ARMC2: variants seen among roughly 807,000 people sequenced by gnomAD.
ARMC2 encodes the protein armadillo repeat containing 2.
Under a neutral mutation model 90.3 loss-of-function variants are expected in ARMC2, and 67 were observed. That is an observed-to-expected ratio of 0.74 (90% CI 0.61 to 0.91). The LOEUF (loss-of-function observed/expected upper bound fraction) is 0.91, where lower values mean the gene tolerates loss of function less well. ARMC2 is among the 40% of genes least tolerant of loss of function. ARMC2 has a pLI of 0.00. For synonymous variants in ARMC2, 393 were observed against 393.0 expected (o/e 1.00, Z 0.00); for missense variants, 920 against 1,030.9 (o/e 0.89, Z 1.47).
At chr6:108,891,839 G>A (rs1348918580) in intron 5 of ARMC2, among the ~76,000 whole-genome samples, 1 of 152,160 alleles carries the variant, frequency 6.6e-6, no homozygotes, top group Non-Finnish European at 1.5e-5. Context: ...TGTCCTGAAT[G>A]GTATTGCCTA....
At chr6:108,890,760 G>A (rs6420684) in intron 5 of ARMC2, among the ~76,000 whole-genome samples, 152,128 of 152,294 alleles carry the variant, frequency 1, 75,981 homozygotes, top group Middle Eastern at 1. Flanking sequence ...TAACATTATT[G>A]TTACTTTTTT....
At chr6:108,880,679 TTCTCCTTCCTTCCTTTCTTTTTCTTC>T (rs1301131506) in intron 5 of ARMC2, among the ~76,000 whole-genome samples, 3 of 151,354 alleles carry the variant, frequency 2.0e-5, no homozygotes, top group South Asian at 4.2e-4. Context: ...TCCTTTTTCT[TTCTCCTTCCTTCCTTTCTTTTTCTTC>T]TCTCCTTCCT....
the ARMC2 span, among the ~76,000 whole-genome samples, chr6:109,012,944 T>C: frequency 6.6e-6 from 1 of 151,124 alleles, no homozygotes; most frequent in Non-Finnish European, 1.5e-5. Context: ...TGAAACCCCG[T>C]CTCTACTGAA....
intron 11 of ARMC2, among the ~76,000 whole-genome samples, chr6:108,935,761 T>A (rs1216984621): frequency 6.6e-6 from 1 of 152,238 alleles, no homozygotes; most frequent in Non-Finnish European, 1.5e-5. Flanking sequence ...AAGTTTTGAT[T>A]TGTAATATTT....
intron 10 of ARMC2, among the ~76,000 whole-genome samples, chr6:108,920,221 G>C (rs566508096): frequency 6.6e-6 from 1 of 152,182 alleles, no homozygotes; most frequent in East Asian, 1.9e-4. Context: ...ATGGAGTCTT[G>C]CTCTGTCGCC....
chr6:109,017,838 A>C, the ARMC2 span, among the ~76,000 whole-genome samples: 1 of 152,194 alleles, frequency 6.6e-6, no homozygotes, highest in Admixed American at 6.5e-5. Flanking sequence ...ATGATCTCTC[A>C]AACTTTATTT....
chr6:108,852,771 T>A (rs1157550087), intron 1 of ARMC2, among the ~76,000 whole-genome samples: 1 of 152,192 alleles, frequency 6.6e-6, no homozygotes, highest in Admixed American at 6.5e-5. Flanking sequence ...GAAGCCTGTT[T>A]ATTATACAGA....
At chr6:109,000,754 G>A in the ARMC2 span, 624 of 1,140,412 alleles carry the variant, frequency 5.5e-4, no homozygotes, top group Non-Finnish European at 7.0e-4. Context: ...ATGCAAAAGA[G>A]CTAATTAAGT....
intron 12 of ARMC2, among the ~76,000 whole-genome samples, chr6:108,949,357 T>C (rs997260593): frequency 1.3e-5 from 2 of 152,234 alleles, no homozygotes; most frequent in African/African-American, 4.8e-5. Context: ...AGTGAATTAG[T>C]TAATTTGTAT....
the ARMC2 span, among the ~76,000 whole-genome samples, chr6:108,979,574 T>A: frequency 6.6e-6 from 1 of 152,166 alleles, no homozygotes; most frequent in Admixed American, 6.5e-5. Context: ...CTGGTTAATA[T>A]CCTGAAGAGT....
chr6:108,884,449 T>A (rs903201510), intron 5 of ARMC2, among the ~76,000 whole-genome samples: 11 of 152,220 alleles, frequency 7.2e-5, no homozygotes, highest in African/African-American at 2.7e-4. Context: ...AAAGAAGGTA[T>A]ACTGAAAATT....
At chr6:108,970,844 A>G (rs1175012786) in intron 17 of ARMC2, among the ~76,000 whole-genome samples, 1 of 152,136 alleles carries the variant, frequency 6.6e-6, no homozygotes, top group Non-Finnish European at 1.5e-5. Flanking sequence ...ACAGAATTTT[A>G]TTTTTATACA....
At chr6:108,866,695 G>A (rs1012360764) in intron 3 of ARMC2, among the ~76,000 whole-genome samples, 1 of 152,094 alleles carries the variant, frequency 6.6e-6, no homozygotes, top group African/African-American at 2.4e-5. Flanking sequence ...TAGTGAGTGG[G>A]TCCTTCTCCA....
At chr6:108,852,757 G>A (rs1336188830) in intron 1 of ARMC2, among the ~76,000 whole-genome samples, 1 of 152,086 alleles carries the variant, frequency 6.6e-6, no homozygotes, top group African/African-American at 2.4e-5. Context: ...TTTAGGCTCT[G>A]GAAGAAGCCT....
chr6:108,881,386 C>G (rs1255292776), intron 5 of ARMC2, among the ~76,000 whole-genome samples: 1 of 135,392 alleles, frequency 7.4e-6, no homozygotes, highest in Non-Finnish European at 1.5e-5. Context: ...TTACTTGGAA[C>G]ATTGCATTCA....
chr6:108,979,048 G>A (rs1420013950), downstream of ARMC2, among the ~76,000 whole-genome samples: 1 of 152,170 alleles, frequency 6.6e-6, no homozygotes, highest in East Asian at 1.9e-4. Context: ...TATGATGATA[G>A]CTGGTTATTT....
At chr6:108,922,634 AT>A (rs1479585978) in intron 10 of ARMC2, among the ~76,000 whole-genome samples, 1 of 152,136 alleles carries the variant, frequency 6.6e-6, no homozygotes, top group African/African-American at 2.4e-5. Context: ...TTCTTAGTAC[AT>A]TTTTTCCCTT....
chr6:109,046,035 A>G, the ARMC2 span, among the ~76,000 whole-genome samples: 1 of 152,242 alleles, frequency 6.6e-6, no homozygotes, highest in Non-Finnish European at 1.5e-5. Context: ...ACTTTGGAAC[A>G]TAAGTAAAAA....
At chr6:109,050,989 T>C in the ARMC2 span, among the ~76,000 whole-genome samples, 1 of 152,174 alleles carries the variant, frequency 6.6e-6, no homozygotes, top group African/African-American at 2.4e-5. Context: ...AGTTGTTCAA[T>C]TAGCATGACT....
Sources: gnomAD v4.1 joint callset for allele counts (sites outside exome capture counted in the v4.1 genomes callset) on GRCh38, gnomAD v4.1.1 for gene constraint, MANE v1.5 for transcripts, NCBI Gene and HGNC (gene_info 2026-07-23, HGNC 2026-07-21) for gene names.